The following ITGA1 variants were observed in gnomAD, a reference collection of about 807,000 sequenced individuals.
ITGA1 encodes integrin subunit alpha 1.
Under a neutral mutation model 145.9 loss-of-function variants are expected in ITGA1, and 85 were observed. The observed-to-expected ratio is 0.58, with a 90% CI of 0.49 to 0.70. The LOEUF (loss-of-function observed/expected upper bound fraction) is 0.70, where lower values mean the gene tolerates loss of function less well. Among genes scored for constraint, ITGA1 ranks in the 30% least tolerant of loss-of-function variants. The pLI, the probability that ITGA1 is intolerant of heterozygous loss-of-function variation, is 0.00. For missense variants in ITGA1, 1,351 were observed against 1,418.7 expected, an observed-to-expected ratio of 0.95 and a Z score of 0.77; for synonymous variants, 520 against 495.3, an observed-to-expected ratio of 1.05 and a Z score of -0.66.
intron 18 of ITGA1, 94 bp downstream of exon 18, chr5:52,922,981 C>G: frequency 1.5e-6 from 1 of 677,600 alleles, no homozygotes; most frequent in South Asian, 2.0e-5. Context: ...GCATTGATCA[C>G]AAAGAACGAA....
chr5:52,920,835 G>A lies in ITGA1; in HGVS notation c.2292+367G>A, dbSNP rs370247511. On this transcript the variant is annotated intron_variant, in intron 17 of 28. Transcript: ENST00000282588. ...TTTCTGTGGGCCTTGTCTGTCAGTT[G>A]TGGTTGGTAAGTGATTAACTGCTCT... Among the ~76,000 whole-genome samples the A allele has an allele frequency of 3.3e-5, 5 of 152,180 alleles. No individual in the cohort carries two copies. In the East Asian group the frequency reaches 9.6e-4, roughly 29 times the overall value.
chr5:52,857,966 C>T (rs948575405), intron 2 of ITGA1, among the ~76,000 whole-genome samples: 1 of 152,160 alleles, frequency 6.6e-6, no homozygotes, highest in Non-Finnish European at 1.5e-5. Context: ...TTACCTGAAC[C>T]AAAGTTTTTG....
intron 21 of ITGA1, chr5:52,931,278 G>A (rs1364397927): frequency 6.6e-6 from 1 of 151,974 alleles, no homozygotes; most frequent in Non-Finnish European, 1.5e-5. Flanking sequence ...TTACTCATTT[G>A]ATATCCCATT....
chr5:52,882,416 A>C (rs1478664687), intron 7 of ITGA1, among the ~76,000 whole-genome samples: 1 of 152,144 alleles, frequency 6.6e-6, no homozygotes, highest in East Asian at 1.9e-4. Flanking sequence ...TTTATATTCT[A>C]GAATGTCCAT....
chr5:52,863,616 A>AT (rs1344736799), intron 3 of ITGA1, among the ~76,000 whole-genome samples: 4 of 151,856 alleles, frequency 2.6e-5, no homozygotes, highest in Non-Finnish European at 5.9e-5. Context: ...TGTTTCATGT[A>AT]TTTTTTTTAA....
At chr5:52,935,892 T>C (rs1393726068) in intron 23 of ITGA1, among the ~76,000 whole-genome samples, 2 of 152,018 alleles carry the variant, frequency 1.3e-5, no homozygotes, top group East Asian at 3.8e-4. Flanking sequence ...TTCAGTATTT[T>C]CCAATGTTTC....
chr5:52,932,902 T>C (rs558006640), intron 22 of ITGA1: 1 of 152,310 alleles, frequency 6.6e-6, no homozygotes, highest in South Asian at 2.1e-4. Context: ...AGTTGAAGAA[T>C]TTGAGGTTCA....
chr5:52,836,711 C>A (rs151099029), intron 1 of ITGA1, among the ~76,000 whole-genome samples: 1 of 152,160 alleles, frequency 6.6e-6, no homozygotes, highest in African/African-American at 2.4e-5. Flanking sequence ...GATTTTAGAG[C>A]ATGTATAAAG....
At chr5:52,848,259 T>C (rs962129327) in intron 1 of ITGA1, among the ~76,000 whole-genome samples, 1 of 152,166 alleles carries the variant, frequency 6.6e-6, no homozygotes, top group African/African-American at 2.4e-5. Context: ...GCTTGCCTTT[T>C]CCTTTTGAAG....
At position 52,839,396 on chromosome 5, in the gene ITGA1, C is replaced by T. The variant is rs1326352527; in HGVS notation, c.62-9969C>T. On this transcript the variant is annotated intron_variant, in intron 1 of 28. Transcript: ENST00000282588. ...TTCACGAAACAATTTTAGCTCCAAA[C>T]TCCAAATTGCACTATTAGGGAAAGG... 3.9e-5 allele frequency among the ~76,000 whole-genome samples: 6 copies of T among 152,248 alleles called. No individual in the cohort carries two copies. In the East Asian group the frequency reaches 1.2e-3, roughly 29 times the overall value.
intron 1 of ITGA1, chr5:52,800,212 A>T: frequency 1.6e-6 from 1 of 620,052 alleles, no homozygotes. Flanking sequence ...AGAGGAAAGG[A>T]TAGAGGAAGT....
At chr5:52,801,767 T>C (rs1305320205) in intron 1 of ITGA1, 1 of 1,613,936 alleles carries the variant, frequency 6.2e-7, no homozygotes, top group Non-Finnish European at 8.5e-7. Flanking sequence ...TTGACTGGGG[T>C]AGCTGCCATT....
At chr5:52,927,990 A>C (rs186965969) in intron 20 of ITGA1, among the ~76,000 whole-genome samples, 5 of 152,316 alleles carry the variant, frequency 3.3e-5, no homozygotes. Context: ...CTACCATGTC[A>C]GAACACATAG....
At chr5:52,929,013 G>C (rs1362906355) in intron 20 of ITGA1, among the ~76,000 whole-genome samples, 2 of 152,178 alleles carry the variant, frequency 1.3e-5, no homozygotes, top group East Asian at 3.8e-4. Flanking sequence ...CCTAGAGCAA[G>C]AGCTGTCCAA....
chr5:52,877,375 G>A (rs1479288800), intron 6 of ITGA1, among the ~76,000 whole-genome samples: 1 of 152,092 alleles, frequency 6.6e-6, no homozygotes, highest in African/African-American at 2.4e-5. Context: ...GGTAGGAGGC[G>A]AGACTTGACT....
chr5:52,920,210 A>AT lies in ITGA1; in HGVS notation c.2156-121dup. 8.2e-6 allele frequency: 6 copies of AT among 729,980 alleles called. No individual in the cohort carries two copies. In the South Asian group the frequency reaches 1.1e-4, roughly 13 times the overall value. 45.2% of individuals were successfully genotyped at this position (729,980 alleles called of 1,614,324 possible). ...TATAACAGTGTGGATATGCTGAACA[A>AT]TAGAATCTTTTTTGATTGATTGCCA... On this transcript the variant is annotated intron_variant, in intron 16 of 28. Coordinates refer to ENST00000282588, the MANE Select transcript of ITGA1 (RefSeq NM_181501.2).
rs1346147249 is a variant in ITGA1, at chr5:52,910,260, A to G, written c.1698A>G (p.Pro566=). 6.2e-7 allele frequency: 1 copy of G among 1,614,040 alleles called. No homozygotes were observed. The highest frequency in any genetic ancestry group is 8.5e-7 in the Non-Finnish European group (1 of 1,179,942). Residue 566 remains proline (P), a synonymous_variant, in exon 14 of 29, where the codon CCA becomes CCG. Coordinates refer to ENST00000282588, the MANE Select transcript of ITGA1 (RefSeq NM_181501.2). The stretch of plus-strand genomic sequence containing the variant: ...GCACAACAGAAAACAAAAATGAGCC[A>G]TGCGGGGCTCGTTTTGGAACTGCAA... ...NSCTTENKNE[P]CGARFGTAIA...
intron 14 of ITGA1, among the ~76,000 whole-genome samples, chr5:52,912,754 A>ATTTT (rs10657085): frequency 0.01 from 1,441 of 139,412 alleles, 41 homozygotes; most frequent in African/African-American, 0.036. Context: ...ATATATATAT[A>ATTTT]TTTTTTTTTT....
At chr5:52,900,198 T>C (rs1490583298) in intron 11 of ITGA1, among the ~76,000 whole-genome samples, 1 of 152,182 alleles carries the variant, frequency 6.6e-6, no homozygotes, top group Non-Finnish European at 1.5e-5. Context: ...GTTCATTACA[T>C]CCTAAGGTTC....
Sources: gnomAD v4.1 joint callset for allele counts (sites outside exome capture counted in the v4.1 genomes callset) on GRCh38, gnomAD v4.1.1 for gene constraint, MANE v1.5 for transcripts, NCBI Gene and HGNC (gene_info 2026-07-23, HGNC 2026-07-21) for gene names.